The following KLHL11 variants were observed in gnomAD, a reference collection of about 807,000 sequenced individuals.
The protein encoded by KLHL11 is kelch like family member 11.
A neutral mutation model predicts 56.1 loss-of-function variants in KLHL11; 26 were observed. The ratio of observed to expected loss-of-function variants is 0.46; its 90% CI spans 0.34 to 0.64. The LOEUF (loss-of-function observed/expected upper bound fraction) is 0.64, where lower values mean the gene tolerates loss of function less well. KLHL11 is among the 30% of genes least tolerant of loss of function. KLHL11 has a pLI of 0.01. For synonymous variants in KLHL11, 338 were observed against 345.8 expected (o/e 0.98, Z 0.25); for missense variants, 627 against 919.4 (o/e 0.68, Z 4.11).
rs782189986 is a variant in KLHL11 at position 41,853,569 on chromosome 17, T to C, written c.*171A>G. On this transcript the variant is annotated 3_prime_UTR_variant, in exon 2 of 2. Transcript: ENST00000319121. ...ATTGCAAGCTAACAAAATGACCATGTATTGAACTGAGTCTCCCATTCTTTA... is the reference window on the plus strand; with the variant it reads ...ATTGCAAGCTAACAAAATGACCATGCATTGAACTGAGTCTCCCATTCTTTA... The C allele has an allele frequency of 1.0e-5, 7 of 686,150 alleles. No homozygotes were observed. The highest frequency in any genetic ancestry group is 1.6e-5 in the Non-Finnish European group (7 of 441,810). 42.5% of individuals were successfully genotyped at this position (686,150 alleles called of 1,614,324 possible).
rs1387322830 is a variant in KLHL11, at chr17:41,865,389, G to C, written c.-19C>G. ...CCGCCATCTTGACGCCGCTGCGCCC[G>C]GCCTCCACAGCCTCGGAACGATGCG... On this transcript the variant is annotated 5_prime_UTR_variant, in exon 1 of 2. Transcript: ENST00000319121. The C allele has an allele frequency of 1.0e-5, 14 of 1,343,518 alleles. No homozygotes were observed. Among genetic ancestry groups the C allele is most frequent in the Non-Finnish European group, 1.3e-5 (13 of 1,028,598 alleles). 83.2% of individuals were successfully genotyped at this position (1,343,518 alleles called of 1,614,324 possible). A position where few individuals can be genotyped will look rare whatever the true frequency, so the allele number is the denominator to read the frequency against.
chr17:41,859,186 A>G (rs1256626457), intron 1 of KLHL11, among the ~76,000 whole-genome samples: 2 of 152,112 alleles, frequency 1.3e-5, no homozygotes, highest in African/African-American at 2.4e-5. Context: ...GTTCTCATCA[A>G]AGCAGGGATG....
intron 1 of KLHL11, among the ~76,000 whole-genome samples, chr17:41,857,875 G>A (rs2048375970): frequency 6.6e-6 from 1 of 152,094 alleles, no homozygotes; most frequent in African/African-American, 2.4e-5. Context: ...GGAGTACACT[G>A]GCGCGATCTC....
At position 41,864,956 on chromosome 17, in the gene KLHL11, C is replaced by G; in HGVS notation, c.415G>C (p.Glu139Gln). 1 of 1,611,548 alleles carries G rather than the reference C, an allele frequency of 6.2e-7. No individual in the cohort carries two copies. The highest frequency in any genetic ancestry group is 8.5e-7 in the Non-Finnish European group (1 of 1,179,236). ...GGCTCGGAGCTCCACTTGCGCATCT[C>G]CACCCGTCCCGAGCGGGACTCGGAA... is the stretch of plus-strand genomic sequence containing the variant. ...QFSESRSGRV[E>Q]MRKWSSEPGP... The change falls in exon 1 of 2, where the codon GAG becomes CAG. Residue 139 changes from glutamate to glutamine, a missense_variant. By Grantham distance (29) the Glu-to-Gln change is conservative. Around this residue, in one of 4 missense-constraint regions of KLHL11, gnomAD observed 150 missense variants for 215.7 expected, o/e 0.70. Coordinates refer to ENST00000319121, the MANE Select transcript of KLHL11 (RefSeq NM_018143.3).
chr17:41,853,467 C>T lies in KLHL11; in HGVS notation c.*273G>A. 3.1e-6 allele frequency: 1 copy of T among 325,494 alleles called. No homozygotes were observed. The highest frequency in any genetic ancestry group is 5.6e-6 in the Non-Finnish European group (1 of 179,502). The allele number at this position is 325,494 out of a possible 1,614,324, so 20.2% of individuals were successfully genotyped here. A position where few individuals can be genotyped will look rare whatever the true frequency, so the allele number is the denominator to read the frequency against. On this transcript the variant is annotated 3_prime_UTR_variant, in exon 2 of 2. Transcript: ENST00000319121. ...ACTCGTTGGCAGGAAAACAGCTAAG[C>T]AACTACACCTGATTTTTCCACTTGT...
At chr17:41,862,659 CA>C (rs1428372383) in intron 1 of KLHL11, among the ~76,000 whole-genome samples, 2 of 152,066 alleles carry the variant, frequency 1.3e-5, no homozygotes, top group Admixed American at 1.3e-4. Flanking sequence ...CTCGGCCTCT[CA>C]AAGTGCTGAG....
At chr17:41,863,351 A>G (rs1555623231) in intron 1 of KLHL11, among the ~76,000 whole-genome samples, 1 of 151,562 alleles carries the variant, frequency 6.6e-6, no homozygotes, top group African/African-American at 2.4e-5. Context: ...GCACACCACC[A>G]CGCCCGGCTA....
At chr17:41,860,537 T>C (rs377477996) in intron 1 of KLHL11, among the ~76,000 whole-genome samples, 11 of 152,192 alleles carry the variant, frequency 7.2e-5, no homozygotes, top group African/African-American at 2.6e-4. Context: ...GAGTTTTTAG[T>C]AAAATGCCCA....
chr17:41,850,422 T>C lies in KLHL11; in HGVS notation c.*3318A>G, dbSNP rs535491628. On this transcript the variant is annotated 3_prime_UTR_variant, in exon 2 of 2. Coordinates refer to ENST00000319121, the MANE Select transcript of KLHL11 (RefSeq NM_018143.3). ...TATGCCTAAATCTTATGAGTTATAA[T>C]TTCTGTCACATGATGTGAAAAAAAC... 4.6e-5 allele frequency: 7 copies of C among 152,310 alleles called. No homozygotes were observed. In the South Asian group the frequency reaches 1.2e-3, roughly 27 times the overall value. The allele number at this position is 152,310 out of a possible 1,614,324, so 9.4% of individuals were successfully genotyped here. A position where few individuals can be genotyped will look rare whatever the true frequency, so the allele number is the denominator to read the frequency against.
intron 1 of KLHL11, among the ~76,000 whole-genome samples, chr17:41,861,373 C>T (rs1000142918): frequency 1.3e-5 from 2 of 152,218 alleles, no homozygotes; most frequent in Non-Finnish European, 2.9e-5. Context: ...CTATGCTTTT[C>T]TCTGTCCTAT....
At chr17:41,860,402 G>T (rs562920606) in intron 1 of KLHL11, among the ~76,000 whole-genome samples, 2 of 151,732 alleles carry the variant, frequency 1.3e-5, no homozygotes, top group East Asian at 3.9e-4. Context: ...AGGGGTTTTG[G>T]GGGGGGTGGG....
rs2048347482 is a variant in KLHL11, at chr17:41,853,910, TACA to T, written c.1954_1956del (p.Cys652del). On this transcript the variant is annotated inframe_deletion, in exon 2 of 2. Transcript: ENST00000319121. ...ATCCTCACGTGACAAGCAGTGGCTC[TACA>T]ACGAGGTTGTGGCATAGGAGGAAGA... 3.1e-6 allele frequency: 5 copies of T among 1,614,236 alleles called. No individual in the cohort carries two copies. The highest frequency in any genetic ancestry group is 1.7e-5 in the Admixed American group (1 of 60,028).
chr17:41,862,571 C>T (rs1156682689), intron 1 of KLHL11, among the ~76,000 whole-genome samples: 3 of 152,054 alleles, frequency 2.0e-5, no homozygotes, highest in East Asian at 3.9e-4. Context: ...TGAGCCACCG[C>T]GCCCGGCCTA....
intron 1 of KLHL11, among the ~76,000 whole-genome samples, chr17:41,864,249 G>C (rs4516280): frequency 0.9 from 137,690 of 152,280 alleles, 62,382 homozygotes; most frequent in East Asian, 1. Context: ...ATATTTAAAT[G>C]AGCTATTTCT....
rs868921641 is a variant in KLHL11 at position 41,862,909 on chromosome 17, C to T, written c.545+1917G>A. 6.6e-5 allele frequency among the ~76,000 whole-genome samples: 10 copies of T among 152,328 alleles called. No individual in the cohort carries two copies. The South Asian group carries it at 8.3e-4, about 13-fold the overall frequency. On this transcript the variant is annotated intron_variant, in intron 1 of 1. Transcript: ENST00000319121. Reference sequence around the variant, plus strand: ...AAATCCAAAAACTCCTGATCTTACTCCCAAACAGGCTCTTCTGCAATCTTC... The same window carrying T: ...AAATCCAAAAACTCCTGATCTTACTTCCAAACAGGCTCTTCTGCAATCTTC...
Position 41,855,044 on chromosome 17 carries a change from G to A in KLHL11, c.823C>T (p.Gln275Ter), listed in dbSNP as rs918125980. ...CTCTCTCTCTCTTCAGCATTTCTCT[G>A]AACCCATTTCAAAACGGTTTCAAAG... Reference protein sequence around the residue: ...VLFETVLKWVQRNAEERERYF... With the variant: ...VLFETVLKWV Residue 275 changes from glutamine to a stop codon, truncating the protein, a stop_gained, in exon 2 of 2, where the codon CAG becomes TAG. Coordinates refer to ENST00000319121, the MANE Select transcript of KLHL11 (RefSeq NM_018143.3). LOFTEE classifies it high-confidence loss of function. 18 of 1,613,908 alleles carry A rather than the reference G, an allele frequency of 1.1e-5. No individual in the cohort carries two copies. The highest frequency in any genetic ancestry group is 1.5e-5 in the Non-Finnish European group (18 of 1,180,014).
At chr17:41,856,967 C>T (rs1445920979) in intron 1 of KLHL11, among the ~76,000 whole-genome samples, 3 of 151,980 alleles carry the variant, frequency 2.0e-5, no homozygotes, top group South Asian at 2.1e-4. Context: ...TTATAGGGAG[C>T]TGAGATTGCG....
intron 1 of KLHL11, among the ~76,000 whole-genome samples, chr17:41,858,983 G>A (rs2144159925): frequency 6.6e-6 from 1 of 152,240 alleles, no homozygotes; most frequent in East Asian, 1.9e-4. Context: ...ATATCAGAAG[G>A]AACGCCCCCC....
intron 1 of KLHL11, among the ~76,000 whole-genome samples, chr17:41,855,895 G>A (rs1266513997): frequency 4.9e-5 from 7 of 143,150 alleles, no homozygotes; most frequent in Admixed American, 1.4e-4. Flanking sequence ...AGCTGGTCTC[G>A]AACTCTTGAC....
Sources: gnomAD v4.1 joint callset for allele counts (sites outside exome capture counted in the v4.1 genomes callset) on GRCh38, gnomAD v4.1.1 for gene constraint, gnomAD v4.1.1 regional missense constraint, MANE v1.5 for transcripts, NCBI Gene and HGNC (gene_info 2026-07-23, HGNC 2026-07-21) for gene names.